MAPK10: variants seen among roughly 807,000 people sequenced by gnomAD.
The protein encoded by MAPK10 is mitogen-activated protein kinase 10.
Under a neutral mutation model 59.3 loss-of-function variants are expected in MAPK10, and 25 were observed. The ratio of observed to expected loss-of-function variants is 0.42; its 90% CI spans 0.31 to 0.59. The LOEUF is 0.59. Among genes scored for constraint, MAPK10 ranks in the 20% least tolerant of loss-of-function variants. MAPK10 has a pLI of 0.15. For synonymous variants in MAPK10, 190 were observed against 200.5 expected (o/e 0.95, Z 0.44); for missense variants, 351 against 568.9 (o/e 0.62, Z 3.90).
chr4:86,109,749 C>T (rs1297475992), intron 4 of MAPK10, among the ~76,000 whole-genome samples: 3 of 152,024 alleles, frequency 2.0e-5, no homozygotes, highest in African/African-American at 7.2e-5. Context: ...GGGTATATAC[C>T]CGGTAATGGA....
intron 2 of MAPK10, among the ~76,000 whole-genome samples, chr4:86,303,290 C>A (rs1366269417): frequency 6.6e-6 from 1 of 152,128 alleles, no homozygotes; most frequent in Admixed American, 6.6e-5. Context: ...TCTAAGTAAC[C>A]AATTCCCCCT....
chr4:86,043,956 C>T, intron 11 of MAPK10, among the ~76,000 whole-genome samples: 1 of 152,158 alleles, frequency 6.6e-6, no homozygotes, highest in East Asian at 1.9e-4. Context: ...TAACTGAATA[C>T]AATGTCTGTG....
At chr4:86,185,320 T>A (rs1241115882) in intron 3 of MAPK10, among the ~76,000 whole-genome samples, 1 of 152,176 alleles carries the variant, frequency 6.6e-6, no homozygotes, top group Non-Finnish European at 1.5e-5. Flanking sequence ...GGACTATTTT[T>A]AAAAGGATTG....
At chr4:86,552,162 G>A (rs1759842727) in intron 1 of MAPK10, among the ~76,000 whole-genome samples, 1 of 151,776 alleles carries the variant, frequency 6.6e-6, no homozygotes, top group African/African-American at 2.4e-5. Flanking sequence ...ACTCATGCCT[G>A]TAATCCCAGC....
chr4:86,501,693 C>A (rs1451162776), intron 1 of MAPK10, among the ~76,000 whole-genome samples: 1 of 151,062 alleles, frequency 6.6e-6, no homozygotes, highest in Non-Finnish European at 1.5e-5. Context: ...CACACACACA[C>A]ACACACACAC....
intron 3 of MAPK10, among the ~76,000 whole-genome samples, chr4:86,159,931 A>T (rs1372975725): frequency 2.6e-5 from 4 of 152,030 alleles, no homozygotes; most frequent in African/African-American, 9.7e-5. Context: ...AGAAAGAACT[A>T]AGATACAAAC....
chr4:86,233,670 G>T (rs2091895684), intron 2 of MAPK10, among the ~76,000 whole-genome samples: 1 of 152,172 alleles, frequency 6.6e-6, no homozygotes, highest in South Asian at 2.1e-4. Flanking sequence ...AGCAGAAGTA[G>T]AAAGATACCA....
chr4:86,147,222 C>G (rs554825495), intron 4 of MAPK10, among the ~76,000 whole-genome samples: 1 of 152,064 alleles, frequency 6.6e-6, no homozygotes, highest in East Asian at 1.9e-4. Flanking sequence ...GAGTCGCTGA[C>G]ACCACAGGCA....
chr4:86,506,249 A>C (rs904790015), intron 1 of MAPK10, among the ~76,000 whole-genome samples: 1 of 152,182 alleles, frequency 6.6e-6, no homozygotes, highest in Admixed American at 6.5e-5. Flanking sequence ...TCCTCTGAAT[A>C]GGACCATTAA....
At chr4:86,499,500 C>T (rs1444420979) in intron 1 of MAPK10, among the ~76,000 whole-genome samples, 1 of 152,146 alleles carries the variant, frequency 6.6e-6, no homozygotes. Context: ...GCAGTGCCTC[C>T]AGGTCACGAA....
intron 9 of MAPK10, among the ~76,000 whole-genome samples, chr4:86,068,666 T>G (rs563428933): frequency 9.2e-5 from 14 of 152,256 alleles, no homozygotes; most frequent in South Asian, 6.2e-4. Context: ...CAGATTTCTA[T>G]CCAAGTACAT....
chr4:86,054,433 C>A (rs940102075), intron 11 of MAPK10, among the ~76,000 whole-genome samples: 1 of 152,064 alleles, frequency 6.6e-6, no homozygotes, highest in African/African-American at 2.4e-5. Context: ...ACTGGGCAAG[C>A]AAAATCTAAT....
At chr4:86,291,024 G>C (rs182491753) in intron 2 of MAPK10, among the ~76,000 whole-genome samples, 39 of 152,256 alleles carry the variant, frequency 2.6e-4, no homozygotes, top group Non-Finnish European at 2.1e-4. Context: ...CTGAAAACTT[G>C]TAAATAGGAA....
chr4:86,106,009 T>C (rs1346996016), intron 5 of MAPK10, among the ~76,000 whole-genome samples: 2 of 152,174 alleles, frequency 1.3e-5, no homozygotes, highest in African/African-American at 4.8e-5. Flanking sequence ...CTCTTGCCAA[T>C]AGAGCATAAC....
intron 1 of MAPK10, among the ~76,000 whole-genome samples, chr4:86,437,672 AGTT>A (rs1033172756): frequency 5.3e-5 from 8 of 152,332 alleles, no homozygotes; most frequent in African/African-American, 1.7e-4. Context: ...CACTTTGAAA[AGTT>A]GTTATCATAT....
intron 10 of MAPK10, among the ~76,000 whole-genome samples, chr4:86,066,288 T>C (rs2046718771): frequency 6.6e-6 from 1 of 152,208 alleles, no homozygotes; most frequent in South Asian, 2.1e-4. Context: ...GAAATACTTA[T>C]ACATTAATTC....
chr4:86,105,257 T>C (rs982095414), intron 5 of MAPK10, among the ~76,000 whole-genome samples: 1 of 152,142 alleles, frequency 6.6e-6, no homozygotes, highest in African/African-American at 2.4e-5. Context: ...TACGTTCTTA[T>C]TAATGCGAAA....
intron 11 of MAPK10, among the ~76,000 whole-genome samples, chr4:86,048,256 G>A (rs974136900): frequency 6.6e-6 from 1 of 152,078 alleles, no homozygotes; most frequent in Non-Finnish European, 1.5e-5. Context: ...CTTTACAGCA[G>A]TAGAGTTGTG....
intron 11 of MAPK10, among the ~76,000 whole-genome samples, chr4:86,063,557 G>A (rs1450945819): frequency 1.3e-5 from 2 of 152,118 alleles, no homozygotes; most frequent in Non-Finnish European, 2.9e-5. Context: ...GCAACAGCAA[G>A]CCCCCCTTGC....
Sources: gnomAD v4.1 joint callset for allele counts (sites outside exome capture counted in the v4.1 genomes callset) on GRCh38, gnomAD v4.1.1 for gene constraint, MANE v1.5 for transcripts, NCBI Gene and HGNC (gene_info 2026-07-23, HGNC 2026-07-21) for gene names.